Variants in ACOT7 observed in about 807,000 individuals in gnomAD.
The protein encoded by ACOT7 is acyl-CoA thioesterase 7.
In ACOT7, 12 loss-of-function variants were observed where a neutral mutation model predicts 40.2. That is an observed-to-expected ratio of 0.30 (90% CI 0.19 to 0.48). The LOEUF (loss-of-function observed/expected upper bound fraction) is 0.48. ACOT7 is among the 20% of genes least tolerant of loss of function. ACOT7 has a pLI of 0.99. For missense variants in ACOT7, 395 were observed against 530.8 expected, an observed-to-expected ratio of 0.74 and a Z score of 2.51; for synonymous variants, 228 against 219.5, an observed-to-expected ratio of 1.04 and a Z score of -0.34.
intron 2 of ACOT7, among the ~76,000 whole-genome samples, chr1:6,345,882 C>T (rs778619462): frequency 7.2e-5 from 11 of 152,218 alleles, no homozygotes. Flanking sequence ...AGCGCTTACT[C>T]GGTGGACGCT....
At chr1:6,317,733 T>C (rs955415541) in intron 6 of ACOT7, among the ~76,000 whole-genome samples, 4 of 151,302 alleles carry the variant, frequency 2.6e-5, no homozygotes, top group African/African-American at 9.7e-5. Context: ...TCTTTCTTTT[T>C]TTTTTTTTTT....
In ACOT7 at chr1:6,338,866, G is replaced by A. The variant is rs1407589103; in HGVS notation, c.418+567C>T. On this transcript the variant is annotated intron_variant, in intron 3 of 8. Transcript: ENST00000361521. The surrounding 1 kb of genome is among the most constrained non-coding windows in gnomAD (Gnocchi z 4.4). Reference sequence around the variant, plus strand: ...GCGTGAGCTGGTGAACACTGGAGCCGCCCCCTCCTGCAGCGCCCAGTGGGA... The same window carrying A: ...GCGTGAGCTGGTGAACACTGGAGCCACCCCCTCCTGCAGCGCCCAGTGGGA... Among the ~76,000 whole-genome samples the A allele has an allele frequency of 2.0e-5, 3 of 152,122 alleles. No homozygotes were observed. The highest frequency in any genetic ancestry group is 2.1e-4 in the South Asian group (1 of 4,824).
chr1:6,272,518 C>T (rs921907745), intron 8 of ACOT7, among the ~76,000 whole-genome samples: 1 of 152,200 alleles, frequency 6.6e-6, no homozygotes, highest in Non-Finnish European at 1.5e-5. Flanking sequence ...TGGGGACTTG[C>T]TTCTGATCCT....
intron 6 of ACOT7, among the ~76,000 whole-genome samples, chr1:6,297,842 G>A (rs1639854536): frequency 6.6e-6 from 1 of 152,154 alleles, no homozygotes; most frequent in South Asian, 2.1e-4. Context: ...CCCATTGCTG[G>A]TGCTGGGAGA....
At chr1:6,276,181 C>A (rs887404232) in intron 8 of ACOT7, among the ~76,000 whole-genome samples, 1 of 152,174 alleles carries the variant, frequency 6.6e-6, no homozygotes, top group Non-Finnish European at 1.5e-5. Flanking sequence ...AATGCCCACG[C>A]CTGCAAGAAT....
At chr1:6,302,689 G>GATC (rs1640005851) in intron 6 of ACOT7, among the ~76,000 whole-genome samples, 1 of 152,050 alleles carries the variant, frequency 6.6e-6, no homozygotes, top group Non-Finnish European at 1.5e-5. Flanking sequence ...AACCACTGTT[G>GATC]ATCACAAGCC....
chr1:6,358,554 G>A lies in ACOT7; in HGVS notation c.144-8688C>T, dbSNP rs772508106. Among the ~76,000 whole-genome samples, 2 of 152,228 alleles carry A rather than the reference G, an allele frequency of 1.3e-5. No individual in the cohort carries two copies. The highest frequency in any genetic ancestry group is 1.5e-5 in the Non-Finnish European group (1 of 68,026). On this transcript the variant is annotated intron_variant, in intron 1 of 8. Transcript: ENST00000361521. This position sits in a 1 kb window ranked among gnomAD's most constrained non-coding sequence, Gnocchi z 4.1. Reference sequence around the variant, plus strand: ...GGTGCCTTCCTCCCTGGGGACTAGAGCAGGCAGGGGAGTGCCCTGGTCCGT... The same window carrying A: ...GGTGCCTTCCTCCCTGGGGACTAGAACAGGCAGGGGAGTGCCCTGGTCCGT...
intron 8 of ACOT7, among the ~76,000 whole-genome samples, chr1:6,272,666 C>T (rs535510719): frequency 7.9e-5 from 12 of 152,316 alleles, no homozygotes; most frequent in South Asian, 6.2e-4. Flanking sequence ...CACTCCACAC[C>T]CCTTGCTGAG....
chr1:6,296,772 A>G (rs1639824612), intron 6 of ACOT7, among the ~76,000 whole-genome samples: 1 of 151,964 alleles, frequency 6.6e-6, no homozygotes, highest in Non-Finnish European at 1.5e-5. Flanking sequence ...GGGTCTTGCT[A>G]TATTGCCCAG....
At chr1:6,360,752 C>A in intron 1 of ACOT7, 1 of 1,578,386 alleles carries the variant, frequency 6.3e-7, no homozygotes, top group Non-Finnish European at 8.6e-7. Flanking sequence ...TGGACTTGGC[C>A]TCATCCCTCC....
At position 6,299,432 on chromosome 1, in the gene ACOT7, A is replaced by G. The variant is rs1396817953; in HGVS notation, c.713-4452T>C. Among the ~76,000 whole-genome samples, 1 of 152,236 alleles carries G rather than the reference A, an allele frequency of 6.6e-6. No homozygotes were observed. The highest frequency in any genetic ancestry group is 1.9e-4 in the East Asian group (1 of 5,190). On this transcript the variant is annotated intron_variant, in intron 6 of 8. Coordinates refer to ENST00000361521, the MANE Select transcript of ACOT7 (RefSeq NM_007274.4). The surrounding 1 kb of genome is among the most constrained non-coding windows in gnomAD (Gnocchi z 4.1). ...GCTGAGAACCCCACACACTTGGCTC[A>G]GGTGGGCAAAGGAGGGATCCAGAGG...
At chr1:6,348,538 G>A (rs1010930339) in intron 2 of ACOT7, among the ~76,000 whole-genome samples, 2 of 152,166 alleles carry the variant, frequency 1.3e-5, no homozygotes, top group Admixed American at 6.5e-5. Context: ...TGGGGACAGA[G>A]CCCTCACAAA....
intron 1 of ACOT7, among the ~76,000 whole-genome samples, chr1:6,368,714 G>T (rs1257025703): frequency 6.6e-6 from 1 of 152,200 alleles, no homozygotes; most frequent in Non-Finnish European, 1.5e-5. Context: ...GAGCGGCAAG[G>T]CTCCAGGCCT....
At position 6,278,798 on chromosome 1, in the gene ACOT7, G is replaced by A. The variant is rs540162432; in HGVS notation, c.1014+2304C>T. On this transcript the variant is annotated intron_variant, in intron 8 of 8. Coordinates refer to ENST00000361521, the MANE Select transcript of ACOT7 (RefSeq NM_007274.4). This position sits in a 1 kb window ranked among gnomAD's most constrained non-coding sequence, Gnocchi z 4.1. The stretch of plus-strand genomic sequence containing the variant: ...GGAGTATCCCTACAGACACTACAGG[G>A]TCCCCCATCCAGGGAGCGCAGGCTT... Among the ~76,000 whole-genome samples the A allele has an allele frequency of 1.3e-5, 2 of 152,298 alleles. No individual in the cohort carries two copies. Among genetic ancestry groups the A allele is most frequent in the South Asian group, 2.1e-4 (1 of 4,822 alleles).
At chr1:6,353,323 G>GA (rs141501484) in intron 1 of ACOT7, among the ~76,000 whole-genome samples, 12,490 of 147,402 alleles carry the variant, frequency 0.085, 874 homozygotes, top group African/African-American at 0.19. Context: ...TGTCTCAAAA[G>GA]AAAAAAAAAA....
chr1:6,297,273 G>A (rs1639836113), intron 6 of ACOT7, among the ~76,000 whole-genome samples: 1 of 151,992 alleles, frequency 6.6e-6, no homozygotes, highest in African/African-American at 2.4e-5. Context: ...CCTGACCTCA[G>A]GTTATCTGCC....
intron 2 of ACOT7, among the ~76,000 whole-genome samples, chr1:6,344,287 G>A (rs1641357593): frequency 6.6e-6 from 1 of 152,198 alleles, no homozygotes; most frequent in Non-Finnish European, 1.5e-5. Flanking sequence ...AGTGACTTGA[G>A]GCAGGAGGAA....
rs1195073567 is a variant in ACOT7, at chr1:6,301,611, T to C, written c.713-6631A>G. On this transcript the variant is annotated intron_variant, in intron 6 of 8. Coordinates refer to ENST00000361521, the MANE Select transcript of ACOT7 (RefSeq NM_007274.4). This position sits in a 1 kb window ranked among gnomAD's most constrained non-coding sequence, Gnocchi z 4.1. ...CTGGCATCTGGTGCTCAGGAAATGG[T>C]TGCTGAATGAATGAATTAATCAATG... is the stretch of plus-strand genomic sequence containing the variant. 6.6e-6 allele frequency among the ~76,000 whole-genome samples: 1 copy of C among 152,142 alleles called. No homozygotes were observed. The highest frequency in any genetic ancestry group is 1.5e-5 in the Non-Finnish European group (1 of 68,026).
At chr1:6,391,562 A>G (rs1642533542) in intron 1 of ACOT7, among the ~76,000 whole-genome samples, 1 of 152,202 alleles carries the variant, frequency 6.6e-6, no homozygotes, top group Non-Finnish European at 1.5e-5. Context: ...CAACATGTAT[A>G]AATTGGCTAT....
Sources: allele counts gnomAD v4.1 joint callset (sites outside exome capture counted in the v4.1 genomes callset), GRCh38; gene constraint gnomAD v4.1.1; non-coding constraint Gnocchi (gnomAD v3.1); transcripts MANE v1.5; gene names NCBI Gene and HGNC (gene_info 2026-07-23, HGNC 2026-07-21).